IQSEC3: variants seen among roughly 807,000 people sequenced by gnomAD.
IQSEC3 encodes the protein IQ motif and SEC7 domain-containing protein 3.
IQSEC3 carries 50 observed loss-of-function variants against 105.4 expected under a neutral mutation model. That is an observed-to-expected ratio of 0.47 (90% CI 0.38 to 0.60). The LOEUF (loss-of-function observed/expected upper bound fraction) is 0.60. Ranked by LOEUF, IQSEC3 falls within the 20% of genes least tolerant of loss-of-function variation. The probability of loss-of-function intolerance (pLI) is 0.00; values close to 1 mark genes in which losing one functional copy is unlikely to be tolerated. For synonymous variants in IQSEC3, 708 were observed against 746.0 expected (o/e 0.95, Z 0.83); for missense variants, 1,415 against 1,630.0 (o/e 0.87, Z 2.27).
chr12:174,677 C>G lies in IQSEC3; in HGVS notation c.3193C>G (p.Pro1065Ala), dbSNP rs1344719129. The G allele has an allele frequency of 6.9e-6, 11 of 1,591,816 alleles. No homozygotes were observed. Among genetic ancestry groups the G allele is most frequent in the African/African-American group, 1.3e-5 (1 of 74,710 alleles). Residue 1065 changes from proline (P) to alanine (A), a missense_variant, in exon 14 of 14, where the codon CCA becomes GCA. Transcript: ENST00000538872. ...CGAGAGGGGAGCGCCGGTGCCGCCG[C>G]CAGACCTGCAGCCTAGCCCCCCGAG... ...GAERGAPVPPPDLQPSPPRQQ... is the reference protein window; with the variant it reads ...GAERGAPVPPADLQPSPPRQQ...
At chr12:156,188 G>C (rs573147963) in intron 5 of IQSEC3, among the ~76,000 whole-genome samples, 1 of 152,042 alleles carries the variant, frequency 6.6e-6, no homozygotes, top group Non-Finnish European at 1.5e-5. Context: ...ACTGAAGCTC[G>C]GGATGTTCAC....
At chr12:99,246 TC>T in intron 2 of IQSEC3, 32 bp downstream of exon 2, 1 of 1,579,866 alleles carries the variant, frequency 6.3e-7, no homozygotes, top group Non-Finnish European at 8.6e-7. Context: ...CCCTTCCGCA[TC>T]CCCACCTTCC....
chr12:76,943 A>G (rs1305574114), intron 1 of IQSEC3, among the ~76,000 whole-genome samples: 1 of 152,266 alleles, frequency 6.6e-6, no homozygotes, highest in East Asian at 1.9e-4. Context: ...GCCCCATCCC[A>G]GGCAGAGAGA....
At chr12:169,640 G>C in intron 12 of IQSEC3, among the ~76,000 whole-genome samples, 1 of 152,268 alleles carries the variant, frequency 6.6e-6, no homozygotes, top group South Asian at 2.1e-4. Flanking sequence ...TTCTCTAGTG[G>C]TTTCTCCAGT....
chr12:132,194 A>G (rs565172699), intron 3 of IQSEC3, among the ~76,000 whole-genome samples: 28 of 151,884 alleles, frequency 1.8e-4, no homozygotes, highest in Non-Finnish European at 3.2e-4. Flanking sequence ...AGGAAAGGGG[A>G]GGCTGGGAGT....
intron 13 of IQSEC3, among the ~76,000 whole-genome samples, chr12:173,458 G>A (rs1037397116): frequency 6.6e-6 from 1 of 152,202 alleles, no homozygotes; most frequent in Non-Finnish European, 1.5e-5. Flanking sequence ...CCAACAAACA[G>A]GATGAGGAAA....
intron 1 of IQSEC3, chr12:77,586 G>A (rs1863585923): frequency 3.6e-6 from 2 of 552,044 alleles, no homozygotes; most frequent in South Asian, 1.5e-4. Context: ...GCTCAGCAGA[G>A]GGGCATCTCT....
chr12:89,733 A>G (rs535298224), intron 1 of IQSEC3, among the ~76,000 whole-genome samples: 37 of 152,340 alleles, frequency 2.4e-4, no homozygotes, highest in Non-Finnish European at 3.5e-4. Flanking sequence ...TATTTAATAC[A>G]ACGTTTATGA....
chr12:114,853 G>T (rs2136950310), intron 2 of IQSEC3, among the ~76,000 whole-genome samples: 1 of 152,340 alleles, frequency 6.6e-6, no homozygotes, highest in East Asian at 1.9e-4. Flanking sequence ...TTCTTCCAAA[G>T]TGTGTCCTGC....
At chr12:155,224 C>T (rs1027373036) in intron 5 of IQSEC3, among the ~76,000 whole-genome samples, 5 of 152,296 alleles carry the variant, frequency 3.3e-5, no homozygotes, top group East Asian at 3.9e-4. Context: ...TCTGGAGGCC[C>T]CTGTTCCCCA....
rs112436528 is a variant in IQSEC3, at chr12:107,243, G to A, written c.623+8029G>A. Reference sequence around the variant, plus strand: ...CTAAGATTATTTTGACCACATCCCCGGCAGTGGCAGCTGGGAGGGGAAGGC... The same window carrying A: ...CTAAGATTATTTTGACCACATCCCCAGCAGTGGCAGCTGGGAGGGGAAGGC... On this transcript the variant is annotated intron_variant, in intron 2 of 13. Coordinates refer to ENST00000538872, the MANE Select transcript of IQSEC3 (RefSeq NM_001170738.2). Among the ~76,000 whole-genome samples the A allele has an allele frequency of 2.1e-3, 323 of 152,200 alleles. 4 individuals are homozygous for A. The highest frequency in any genetic ancestry group is 6.7e-3 in the African/African-American group (277 of 41,516).
intron 5 of IQSEC3, chr12:148,262 A>T (rs898420135): frequency 6.6e-6 from 1 of 152,220 alleles, no homozygotes; most frequent in African/African-American, 2.4e-5. Flanking sequence ...TTAGCAATGC[A>T]AACTCTCAGT....
At chr12:160,759 G>C (rs1866860356) in intron 7 of IQSEC3, among the ~76,000 whole-genome samples, 4 of 152,234 alleles carry the variant, frequency 2.6e-5, no homozygotes. Flanking sequence ...GCTGTGTGGT[G>C]TTTGAGTGGC....
chr12:112,776 T>C (rs997754723), intron 2 of IQSEC3, among the ~76,000 whole-genome samples: 1 of 152,146 alleles, frequency 6.6e-6, no homozygotes, highest in Non-Finnish European at 1.5e-5. Flanking sequence ...AAATGGCAGG[T>C]GGTGGGGTGC....
At chr12:111,945 A>C (rs550238723) in intron 2 of IQSEC3, 1 of 152,314 alleles carries the variant, frequency 6.6e-6, no homozygotes, top group Admixed American at 6.5e-5. Context: ...TCTCTTGAGC[A>C]GGCACACCCA....
chr12:175,384 G>A lies in IQSEC3; in HGVS notation c.*351G>A, dbSNP rs1316950997. The stretch of plus-strand genomic sequence containing the variant: ...GAGCTTGCAGGCTTTGAGTCTGTTA[G>A]TGCCCGGGGCCTCGGGCCTTGGGCA... On this transcript the variant is annotated 3_prime_UTR_variant, in exon 14 of 14. Transcript: ENST00000538872. The A allele has an allele frequency of 4.0e-6, 1 of 250,188 alleles. No homozygotes were observed. The highest frequency in any genetic ancestry group is 7.6e-6 in the Non-Finnish European group (1 of 131,268). 15.5% of individuals were successfully genotyped at this position (250,188 alleles called of 1,614,324 possible). A position where few individuals can be genotyped will look rare whatever the true frequency, so the allele number is the denominator to read the frequency against.
rs566312892 is a variant in IQSEC3 at position 102,371 on chromosome 12, G to C, written c.623+3157G>C. Among the ~76,000 whole-genome samples, 6 of 152,318 alleles carry C rather than the reference G, an allele frequency of 3.9e-5. No homozygotes were observed. In the South Asian group the frequency reaches 1.2e-3, roughly 32 times the overall value. Reference sequence around the variant, plus strand: ...TCAGGTGTCAGGACCTTTGTTGTGTGGACTCAGCCAGCCACAGGATCTCCC... The same window carrying C: ...TCAGGTGTCAGGACCTTTGTTGTGTCGACTCAGCCAGCCACAGGATCTCCC... On this transcript the variant is annotated intron_variant, in intron 2 of 13. Coordinates refer to ENST00000538872, the MANE Select transcript of IQSEC3 (RefSeq NM_001170738.2).
At chr12:106,140 G>A (rs554510065) in intron 2 of IQSEC3, among the ~76,000 whole-genome samples, 5 of 152,338 alleles carry the variant, frequency 3.3e-5, no homozygotes, top group African/African-American at 7.2e-5. Context: ...ATAGAAGCTG[G>A]TGAAATATTA....
In IQSEC3 at chr12:141,104, C is replaced by G. The variant is rs782718528; in HGVS notation, c.1992-20C>G. The G allele has an allele frequency of 1.6e-5, 25 of 1,583,642 alleles. No homozygotes were observed. The South Asian group carries it at 2.8e-4, about 18-fold the overall frequency. On this transcript the variant is annotated intron_variant, in intron 4 of 13. Coordinates refer to ENST00000538872, the MANE Select transcript of IQSEC3 (RefSeq NM_001170738.2). The stretch of plus-strand genomic sequence containing the variant: ...GGCTTCAGCTCACTCTCTACTGCTT[C>G]TCCCCACCCCCACCTCCAGAAACCC...
Sources: gnomAD v4.1 joint callset for allele counts (sites outside exome capture counted in the v4.1 genomes callset) on GRCh38, gnomAD v4.1.1 for gene constraint, MANE v1.5 for transcripts, NCBI Gene and HGNC (gene_info 2026-07-23, HGNC 2026-07-21) for gene names.